Variants in GYPB observed in about 807,000 individuals in gnomAD.
GYPB encodes the protein glycophorin B (MNS blood group).
GYPB carries 13 observed loss-of-function variants against 15.3 expected under a neutral mutation model. The ratio of observed to expected loss-of-function variants is 0.85; its 90% CI spans 0.55 to 1.35. The LOEUF (loss-of-function observed/expected upper bound fraction) is 1.35. Among genes scored for constraint, GYPB ranks in the 40% most tolerant of loss-of-function variants. The pLI is 0.00. For synonymous variants in GYPB, 38 were observed against 36.9 expected, an observed-to-expected ratio of 1.03 and a Z score of -0.11; for missense variants, 131 against 108.3, an observed-to-expected ratio of 1.21 and a Z score of -0.93.
intron 4 of GYPB, 135 bp from the exon 5 acceptor site, chr4:143,996,439 A>T (rs1249921418): frequency 6.7e-7 from 1 of 1,483,620 alleles, no homozygotes; most frequent in African/African-American, 1.5e-5. Context: ...AAGGGTACCT[A>T]GGGGTGTTGC....
intron 3 of GYPB, among the ~76,000 whole-genome samples, chr4:143,997,947 T>C (rs1727416085): frequency 6.6e-6 from 1 of 151,130 alleles, no homozygotes; most frequent in Admixed American, 6.6e-5. Context: ...TCAGTGGACG[T>C]TCTCCTCAGA....
At chr4:144,001,085 GTGTT>G in intron 2 of GYPB, 96 bp downstream of exon 2, 1 of 1,591,598 alleles carries the variant, frequency 6.3e-7, no homozygotes, top group Non-Finnish European at 8.6e-7. Flanking sequence ...GCATTTCTCA[GTGTT>G]TGTCAGTTTC....
intron 1 of GYPB, among the ~76,000 whole-genome samples, chr4:144,002,031 ATCCTTTTAAAATCT>A (rs1727656909): frequency 6.6e-6 from 1 of 150,460 alleles, no homozygotes; most frequent in African/African-American, 2.5e-5. Flanking sequence ...ATTCACAAAT[ATCCTTTTAAAATCT>A]CATTAAATAA....
intron 1 of GYPB, chr4:144,017,012 C>T (rs1406481578): frequency 2.8e-6 from 1 of 352,462 alleles, no homozygotes; most frequent in African/African-American, 2.2e-5. Context: ...TTAGTTTTGA[C>T]TGTTTTTATC....
rs1174428517 is a variant in GYPB at position 143,997,608 on chromosome 4, A to G, written c.202T>C (p.Leu68=). 3.8e-6 allele frequency: 6 copies of G among 1,590,106 alleles called. No homozygotes were observed. Among genetic ancestry groups the G allele is most frequent in the Non-Finnish European group, 5.2e-6 (6 of 1,160,666 alleles). The change falls in exon 4 of 5, where the codon TTG becomes CTG. Residue 68 remains leucine (L), a synonymous_variant. Transcript: ENST00000502664. ...PAPVVIILII[L]CVMAGIIGTI... is the part of the protein sequence containing the mutation. ...CCAATAATACCAGCCATCACACACA[A>G]AATAATGAGTATTATCACTACAGGA...
chr4:144,007,762 G>T (rs2149963723), intron 1 of GYPB, among the ~76,000 whole-genome samples: 1 of 151,656 alleles, frequency 6.6e-6, no homozygotes, highest in East Asian at 1.9e-4. Context: ...CCTCTAAGAT[G>T]AGAGTAGTGG....
At chr4:144,009,392 G>A (rs567503335) in intron 1 of GYPB, among the ~76,000 whole-genome samples, 7 of 150,804 alleles carry the variant, frequency 4.6e-5, no homozygotes, top group Admixed American at 4.6e-4. Flanking sequence ...AACTACTTTA[G>A]GATTTGTGGG....
intron 2 of GYPB, among the ~76,000 whole-genome samples, 162 bp from the exon 3 acceptor site, chr4:143,999,611 G>A (rs1417148481): frequency 8.6e-5 from 13 of 151,366 alleles, no homozygotes; most frequent in East Asian, 7.7e-4. Context: ...ATGAGGTAAT[G>A]TGTCAGTCTT....
rs572827690 is a variant in GYPB at position 144,014,407 on chromosome 4, T to G, written c.37+4844A>C. The stretch of plus-strand genomic sequence containing the variant: ...ACCAACCCAAATTTTCATCAAATGA[T>G]GGATGGATAAACAAAATGTGATATA... On this transcript the variant is annotated intron_variant, in intron 1 of 4. Coordinates refer to ENST00000502664, the MANE Select transcript of GYPB (RefSeq NM_002100.6). Among the ~76,000 whole-genome samples the G allele has an allele frequency of 5.3e-5, 8 of 151,902 alleles. No individual in the cohort carries two copies. In the South Asian group the frequency reaches 1.7e-3, roughly 31 times the overall value.
At chr4:144,003,019 T>G (rs2149959743) in intron 1 of GYPB, among the ~76,000 whole-genome samples, 1 of 151,526 alleles carries the variant, frequency 6.6e-6, no homozygotes, top group Non-Finnish European at 1.5e-5. Flanking sequence ...GTATAATGGC[T>G]TTTAAGATAA....
chr4:144,015,650 G>C (rs1728448229), intron 1 of GYPB, among the ~76,000 whole-genome samples: 1 of 151,382 alleles, frequency 6.6e-6, no homozygotes, highest in South Asian at 2.1e-4. Context: ...AAGTAAGTTT[G>C]AGATACCATC....
At chr4:144,005,192 A>G (rs1391354852) in intron 1 of GYPB, among the ~76,000 whole-genome samples, 8 of 151,958 alleles carry the variant, frequency 5.3e-5, no homozygotes, top group Non-Finnish European at 1.0e-4. Context: ...CCGACTTTAC[A>G]GATAGACATT....
intron 4 of GYPB, among the ~76,000 whole-genome samples, chr4:143,996,575 G>A (rs1362127969): frequency 1.3e-5 from 2 of 150,734 alleles, no homozygotes; most frequent in East Asian, 3.9e-4. Context: ...AACCAGCCTG[G>A]CCAACACAGC....
chr4:144,001,176 A>T lies in GYPB; in HGVS notation c.136+9T>A. The T allele has an allele frequency of 3.1e-6, 5 of 1,612,794 alleles. No individual in the cohort carries two copies. The highest frequency in any genetic ancestry group is 3.4e-6 in the Non-Finnish European group (4 of 1,179,778). ...GAGCCACAATTTAAAAATAAAAATG[A>T]AAACAAACCATTTGTCTGTGATGAG... On this transcript the variant is annotated intron_variant, in intron 2 of 4. Transcript: ENST00000502664.
At chr4:144,009,813 C>G (rs1488742362) in intron 1 of GYPB, among the ~76,000 whole-genome samples, 1 of 150,322 alleles carries the variant, frequency 6.7e-6, no homozygotes, top group Non-Finnish European at 1.5e-5. Flanking sequence ...TGGGGTTTCA[C>G]TGTGTTAGCC....
chr4:144,017,710 G>A (rs541444377), intron 1 of GYPB, among the ~76,000 whole-genome samples: 1 of 151,530 alleles, frequency 6.6e-6, no homozygotes, highest in Admixed American at 6.5e-5. Context: ...CACACCCCCA[G>A]TAGAGTACGC....
At chr4:143,995,554 G>A (rs1041474406), downstream of GYPB, among the ~76,000 whole-genome samples, 11 of 151,214 alleles carry the variant, frequency 7.3e-5, no homozygotes, top group African/African-American at 2.7e-4. Context: ...GAGTCCCTCA[G>A]AGATTTCTGA....
intron 1 of GYPB, among the ~76,000 whole-genome samples, chr4:144,006,800 C>G (rs1280133451): frequency 1.3e-5 from 2 of 151,754 alleles, no homozygotes; most frequent in Non-Finnish European, 2.9e-5. Flanking sequence ...ATGAAAACTA[C>G]TTGATAAATG....
intron 1 of GYPB, among the ~76,000 whole-genome samples, chr4:144,010,516 T>C (rs765960171): frequency 5.3e-5 from 8 of 151,306 alleles, no homozygotes; most frequent in Non-Finnish European, 1.0e-4. Flanking sequence ...TCAAAGTACA[T>C]CACACAGAAT....
Sources: gnomAD v4.1 joint callset for allele counts (sites outside exome capture counted in the v4.1 genomes callset) on GRCh38, gnomAD v4.1.1 for gene constraint, MANE v1.5 for transcripts, NCBI Gene and HGNC (gene_info 2026-07-23, HGNC 2026-07-21) for gene names.